The following SPECC1 variants were observed in gnomAD, a reference collection of about 807,000 sequenced individuals.
The protein encoded by SPECC1 is cytospin-B.
Under a neutral mutation model 104.1 loss-of-function variants are expected in SPECC1, and 62 were observed. The ratio of observed to expected loss-of-function variants is 0.60; its 90% confidence interval spans 0.49 to 0.74. SPECC1 has a LOEUF of 0.74. Ranked by LOEUF, SPECC1 falls within the 30% of genes least tolerant of loss-of-function variation. SPECC1 has a pLI of 0.00. For missense variants in SPECC1, 1,306 were observed against 1,310.5 expected (o/e 1.00, Z 0.05); for synonymous variants, 513 against 501.6 (o/e 1.02, Z -0.30).
At chr17:20,237,006 C>T (rs2038955160) in intron 7 of SPECC1, 2 of 1,564,460 alleles carry the variant, frequency 1.3e-6, no homozygotes, top group African/African-American at 1.4e-5. Flanking sequence ...CAGTTGTCTC[C>T]TTGTGACATT....
At chr17:20,077,059 T>G (rs556120355) in intron 1 of SPECC1, among the ~76,000 whole-genome samples, 5 of 152,206 alleles carry the variant, frequency 3.3e-5, no homozygotes, top group Non-Finnish European at 7.3e-5. Context: ...TTTGCCATAT[T>G]TTTGTCAGTT....
In SPECC1 at chr17:20,258,536, C is replaced by T. The variant is rs140314184; in HGVS notation, c.2837+929C>T. On this transcript the variant is annotated intron_variant, in intron 11 of 14. Transcript: ENST00000395527. ...CAGACCTTGCAGAAATCTCACATGA[C>T]TCTGTCATCTGCACTCCTCATCCTG... 2.2e-3 allele frequency among the ~76,000 whole-genome samples: 335 copies of T among 152,332 alleles called. 5 individuals carry two copies. The highest frequency in any genetic ancestry group is 0.018 in the Admixed American group (279 of 15,304).
chr17:20,259,651 G>A lies in SPECC1; in HGVS notation c.2838-541G>A, dbSNP rs557404906. On this transcript the variant is annotated intron_variant, in intron 11 of 14. Transcript: ENST00000395527. ...CTCCTGAGTAGCTGGGATTAGAGAT[G>A]CACACCACCATGCCCAGCTAATTTT... Among the ~76,000 whole-genome samples the A allele has an allele frequency of 1.6e-3, 245 of 152,084 alleles. 1 individual carries two copies. Among genetic ancestry groups the A allele is most frequent in the African/African-American group, 5.8e-3 (239 of 41,480 alleles).
intron 7 of SPECC1, among the ~76,000 whole-genome samples, chr17:20,241,888 G>C (rs1476564106): frequency 6.6e-6 from 1 of 152,170 alleles, no homozygotes; most frequent in African/African-American, 2.4e-5. Context: ...ATGAGCAAAG[G>C]CACAGAGGCA....
intron 3 of SPECC1, among the ~76,000 whole-genome samples, chr17:20,124,662 T>C (rs1037554690): frequency 2.0e-5 from 3 of 152,206 alleles, no homozygotes; most frequent in Admixed American, 6.5e-5. Flanking sequence ...GATAAACTCA[T>C]CATAAGCTGC....
chr17:20,058,116 G>A lies in SPECC1; in HGVS notation c.-21-38515G>A, dbSNP rs1025001118. Among the ~76,000 whole-genome samples the A allele has an allele frequency of 7.9e-5, 12 of 152,170 alleles. 1 individual carries two copies. The highest frequency in any genetic ancestry group is 4.6e-4 in the Admixed American group (7 of 15,294). ...ATGATTACTGAAATATACTACTTGA[G>A]TGAATCACCTGAGATCACAGAAATG... On this transcript the variant is annotated intron_variant, in intron 1 of 14. Coordinates refer to ENST00000395527, the MANE Select transcript of SPECC1 (RefSeq NM_001243439.2).
At chr17:20,242,600 T>G (rs1296377464) in intron 7 of SPECC1, among the ~76,000 whole-genome samples, 1 of 152,232 alleles carries the variant, frequency 6.6e-6, no homozygotes, top group Non-Finnish European at 1.5e-5. Context: ...AACTTGGTAG[T>G]ATTTTTTAAA....
At chr17:20,099,168 A>G (rs1174528084) in intron 2 of SPECC1, among the ~76,000 whole-genome samples, 1 of 141,846 alleles carries the variant, frequency 7.0e-6, no homozygotes, top group Admixed American at 7.3e-5. Context: ...AATTTTGTTT[A>G]TTATTCTATT....
Position 20,062,118 on chromosome 17 carries a change from C to T in SPECC1, c.-21-34513C>T, listed in dbSNP as rs565557125. ...AATACAAAAAATTAGCCAGGCATGG[C>T]GGTGGGCACCTGTAGTCCCAGCTAC... On this transcript the variant is annotated intron_variant, in intron 1 of 14. Transcript: ENST00000395527. 2.6e-3 allele frequency among the ~76,000 whole-genome samples: 392 copies of T among 151,810 alleles called. 4 individuals are homozygous for T. In the Middle Eastern group the frequency reaches 0.048, roughly 18 times the overall value.
chr17:20,212,335 T>C lies in SPECC1; in HGVS notation c.1863+6423T>C, dbSNP rs76208083. ...CAGAAACACCCCACTTTCTTACTCA[T>C]TGAATTAGCCCGTTTTCATGCTGCT... On this transcript the variant is annotated intron_variant, in intron 4 of 14. Coordinates refer to ENST00000395527, the MANE Select transcript of SPECC1 (RefSeq NM_001243439.2). 9.7e-3 allele frequency among the ~76,000 whole-genome samples: 1,473 copies of C among 152,216 alleles called. 29 individuals are homozygous for C. Among genetic ancestry groups the C allele is most frequent in the East Asian group, 0.085 (438 of 5,180 alleles).
intron 7 of SPECC1, among the ~76,000 whole-genome samples, chr17:20,234,140 C>T (rs937404369): frequency 1.3e-5 from 2 of 152,196 alleles, no homozygotes; most frequent in African/African-American, 4.8e-5. Flanking sequence ...TATGCTGCAT[C>T]CTGCATCTTC....
chr17:20,172,610 G>A (rs1182933116), intron 3 of SPECC1, among the ~76,000 whole-genome samples: 3 of 152,200 alleles, frequency 2.0e-5, no homozygotes, highest in Non-Finnish European at 4.4e-5. Flanking sequence ...AGCGTGGGAG[G>A]ACGTGAGATG....
At chr17:20,055,860 G>C (rs902330989) in intron 1 of SPECC1, among the ~76,000 whole-genome samples, 1 of 152,212 alleles carries the variant, frequency 6.6e-6, no homozygotes, top group East Asian at 1.9e-4. Context: ...AGTTCTCCAG[G>C]CTTGCAGGCT....
intron 12 of SPECC1, among the ~76,000 whole-genome samples, chr17:20,268,862 G>GCTCCCA (rs2040302924): frequency 6.6e-6 from 1 of 152,126 alleles, no homozygotes; most frequent in South Asian, 2.1e-4. Flanking sequence ...TGGGGCACCC[G>GCTCCCA]CTCCCACTCC....
chr17:20,132,019 G>A (rs1460469261), intron 3 of SPECC1, among the ~76,000 whole-genome samples: 2 of 152,068 alleles, frequency 1.3e-5, no homozygotes, highest in East Asian at 1.9e-4. Flanking sequence ...ATGCTCTTTA[G>A]CAAGTTGAGG....
At chr17:20,265,737 A>C (rs1355925867) in intron 12 of SPECC1, among the ~76,000 whole-genome samples, 1 of 152,220 alleles carries the variant, frequency 6.6e-6, no homozygotes, top group African/African-American at 2.4e-5. Flanking sequence ...TCTTATATTT[A>C]AATCTGTAAT....
intron 3 of SPECC1, among the ~76,000 whole-genome samples, chr17:20,120,253 G>T (rs893066230): frequency 5.3e-5 from 8 of 152,086 alleles, no homozygotes; most frequent in Admixed American, 1.3e-4. Flanking sequence ...AAGTGTTGTG[G>T]CGGGTGCCTG....
intron 1 of SPECC1, among the ~76,000 whole-genome samples, chr17:20,047,611 T>C (rs930580621): frequency 1.3e-5 from 2 of 152,178 alleles, no homozygotes; most frequent in Non-Finnish European, 2.9e-5. Flanking sequence ...CTAACTTTTT[T>C]TTTTGAGATG....
chr17:20,131,807 G>A (rs567249363), intron 3 of SPECC1, among the ~76,000 whole-genome samples: 61 of 151,820 alleles, frequency 4.0e-4, no homozygotes, highest in African/African-American at 1.0e-3. Flanking sequence ...GCACCACCAC[G>A]CCTGGCTAAT....
Sources: allele counts gnomAD v4.1 joint callset (sites outside exome capture counted in the v4.1 genomes callset), GRCh38; gene constraint gnomAD v4.1.1; transcripts MANE v1.5; gene names NCBI Gene and HGNC (gene_info 2026-07-23, HGNC 2026-07-21).